The following SEMA4B variants were observed in gnomAD, a reference collection of about 807,000 sequenced individuals.
The protein encoded by SEMA4B is semaphorin-4B.
In SEMA4B, 55 loss-of-function variants were observed where a neutral mutation model predicts 88.1. The observed-to-expected ratio is 0.62, with a 90% CI of 0.50 to 0.78. SEMA4B has a LOEUF of 0.78. Ranked by LOEUF, SEMA4B falls within the 30% of genes least tolerant of loss-of-function variation. The pLI, the probability that SEMA4B is intolerant of heterozygous loss-of-function variation, is 0.00. For synonymous variants in SEMA4B, 525 were observed against 473.6 expected, an observed-to-expected ratio of 1.11 and a Z score of -1.41; for missense variants, 1,062 against 1,111.9, an observed-to-expected ratio of 0.96 and a Z score of 0.64.
intron 1 of SEMA4B, among the ~76,000 whole-genome samples, chr15:90,190,151 C>T (rs113454955): frequency 4.6e-5 from 7 of 152,308 alleles, no homozygotes; most frequent in African/African-American, 1.7e-4. Flanking sequence ...AATGGTGCTG[C>T]AGGGTGGCTG....
intron 4 of SEMA4B, chr15:90,220,200 T>G (rs1961740394): frequency 3.2e-6 from 1 of 313,732 alleles, no homozygotes; most frequent in East Asian, 6.7e-5. Flanking sequence ...TGCTTGATTC[T>G]CTTGTCTTAT....
At chr15:90,216,481 G>A (rs1567054777) in intron 1 of SEMA4B, among the ~76,000 whole-genome samples, 1 of 152,126 alleles carries the variant, frequency 6.6e-6, no homozygotes, top group Non-Finnish European at 1.5e-5. Flanking sequence ...GCAGCAGCTT[G>A]TGACAACCCT....
At chr15:90,210,445 G>A (rs944036651) in intron 1 of SEMA4B, among the ~76,000 whole-genome samples, 2 of 152,188 alleles carry the variant, frequency 1.3e-5, no homozygotes, top group African/African-American at 4.8e-5. Context: ...GACCTAGAGA[G>A]CAAGAACATT....
At chr15:90,203,497 G>C (rs1318460304) in intron 1 of SEMA4B, among the ~76,000 whole-genome samples, 1 of 152,208 alleles carries the variant, frequency 6.6e-6, no homozygotes, top group East Asian at 1.9e-4. Flanking sequence ...AACTGGATGG[G>C]ACAATCACAG....
chr15:90,228,839 G>C lies in SEMA4B; in HGVS notation c.*196G>C. ...CTACCACCCAGACACCCAAACAGCC[G>C]TGGCCCCAGAGGTCCTGGCCAAATA... On this transcript the variant is annotated 3_prime_UTR_variant, in exon 14 of 14. Coordinates refer to ENST00000411539, the MANE Select transcript of SEMA4B (RefSeq NM_198925.4). 1 of 724,370 alleles carries C rather than the reference G, an allele frequency of 1.4e-6. No individual in the cohort carries two copies. Among genetic ancestry groups the C allele is most frequent in the Admixed American group, 3.0e-5 (1 of 33,518 alleles). 44.9% of individuals were successfully genotyped at this position (724,370 alleles called of 1,614,324 possible).
chr15:90,210,731 G>T (rs1961225320), intron 1 of SEMA4B, among the ~76,000 whole-genome samples: 1 of 134,958 alleles, frequency 7.4e-6, no homozygotes, highest in African/African-American at 2.6e-5. Context: ...CAGGTACCTA[G>T]AGGACGGGGT....
rs1961320737 is a variant in SEMA4B, at chr15:90,212,530, C to G, written c.158-4909C>G. 6.6e-6 allele frequency among the ~76,000 whole-genome samples: 1 copy of G among 152,172 alleles called. No homozygotes were observed. The highest frequency in any genetic ancestry group is 2.1e-4 in the South Asian group (1 of 4,832). On this transcript the variant is annotated intron_variant, in intron 1 of 13. Coordinates refer to ENST00000411539, the MANE Select transcript of SEMA4B (RefSeq NM_198925.4). The surrounding 1 kb of genome is among the most constrained non-coding windows in gnomAD (Gnocchi z 4.0). ...GGAGAGCATAAAAGCTTAAGACTGA[C>G]CCCAAGGTGCGCCAGCCCCTCGCAG...
At chr15:90,194,711 T>C (rs1304523946) in intron 1 of SEMA4B, among the ~76,000 whole-genome samples, 1 of 152,160 alleles carries the variant, frequency 6.6e-6, no homozygotes, top group Non-Finnish European at 1.5e-5. Context: ...GTCACCCATT[T>C]TTGTTTAATC....
intron 1 of SEMA4B, among the ~76,000 whole-genome samples, chr15:90,205,752 C>G (rs185681159): frequency 6.6e-6 from 1 of 152,364 alleles, no homozygotes; most frequent in East Asian, 1.9e-4. Context: ...TGCAGGCCCT[C>G]TGCTAGGTGC....
At chr15:90,221,927 T>G (rs1035060780) in intron 7 of SEMA4B, among the ~76,000 whole-genome samples, 162 bp downstream of exon 7, 6 of 95,990 alleles carry the variant, frequency 6.3e-5, no homozygotes, top group African/African-American at 2.9e-4. Context: ...ATCTTACTAC[T>G]TTTTTCTTTT....
chr15:90,222,784 T>G (rs1433742536), intron 7 of SEMA4B, among the ~76,000 whole-genome samples: 1 of 152,054 alleles, frequency 6.6e-6, no homozygotes, highest in African/African-American at 2.4e-5. Flanking sequence ...AGAGTTGTTA[T>G]GTGAATTATT....
chr15:90,228,495 C>A lies in SEMA4B; in HGVS notation c.2366C>A (p.Ser789Tyr). ...STPLDHRGYQ[S>Y]LSDSPPGSRV... is the part of the protein sequence containing the mutation. The stretch of plus-strand genomic sequence containing the variant: ...CCGCTCGATCACCGAGGGTACCAGT[C>A]CCTGTCAGACAGCCCCCCGGGGTCC... Residue 789 changes from serine (S) to tyrosine (Y), a missense_variant, in exon 14 of 14, where the codon TCC becomes TAC. Transcript: ENST00000411539. The A allele has an allele frequency of 6.2e-7, 1 of 1,611,148 alleles. No homozygotes were observed. Among genetic ancestry groups the A allele is most frequent in the Non-Finnish European group, 8.5e-7 (1 of 1,179,164 alleles).
At chr15:90,203,073 C>T (rs1960822817) in intron 1 of SEMA4B, among the ~76,000 whole-genome samples, 1 of 152,166 alleles carries the variant, frequency 6.6e-6, no homozygotes. Context: ...GAACCTACCT[C>T]AAGGTAGTGA....
chr15:90,192,228 C>T (rs980027154), intron 1 of SEMA4B, among the ~76,000 whole-genome samples: 2 of 152,196 alleles, frequency 1.3e-5, no homozygotes, highest in Admixed American at 6.5e-5. Context: ...CTGGGCTTGG[C>T]AGGAGGCCCC....
Position 90,225,099 on chromosome 15 carries a change from C to T in SEMA4B, c.1326C>T (p.Pro442=), listed in dbSNP as rs1364219702. Reference sequence around the variant, plus strand: ...GAAGCCGCATGCTGCTGCTGCAGCCCCAGGCTCGCTACCAGCGCGTGGCTG... The same window carrying T: ...GAAGCCGCATGCTGCTGCTGCAGCCTCAGGCTCGCTACCAGCGCGTGGCTG... ...QVRSRMLLLQ[P]QARYQRVAVH... The change falls in exon 10 of 14, where the codon CCC becomes CCT. Residue 442 remains proline (P), a synonymous_variant. Transcript: ENST00000411539. The T allele has an allele frequency of 1.2e-6, 2 of 1,613,648 alleles. No individual in the cohort carries two copies. The highest frequency in any genetic ancestry group is 1.7e-6 in the Non-Finnish European group (2 of 1,179,874).
Position 90,217,541 on chromosome 15 carries a change from G to C in SEMA4B, c.260G>C (p.Arg87Pro). 1 of 1,613,942 alleles carries C rather than the reference G, an allele frequency of 6.2e-7. No homozygotes were observed. The highest frequency in any genetic ancestry group is 8.5e-7 in the Non-Finnish European group (1 of 1,179,886). Reference protein sequence around the residue: ...RDGRTLYVGAREALFALSSNL... With the variant: ...RDGRTLYVGAPEALFALSSNL... ...GGCAGGACCCTGTACGTGGGTGCTC[G>C]AGAGGCCCTCTTTGCACTCAGTAGC... The change falls in exon 2 of 14, where the codon CGA becomes CCA. Residue 87 changes from arginine to proline, a missense_variant. By Grantham distance (103) the Arg-to-Pro change is moderately radical (BLOSUM62 -2). Transcript: ENST00000411539.
At position 90,228,289 on chromosome 15, in the gene SEMA4B, G is replaced by T; in HGVS notation, c.2160G>T (p.Val720=). 6.3e-7 allele frequency: 1 copy of T among 1,590,114 alleles called. No homozygotes were observed. Among genetic ancestry groups the T allele is most frequent in the Non-Finnish European group, 8.6e-7 (1 of 1,167,200 alleles). The change falls in exon 14 of 14, where the codon GTG becomes GTT. Residue 720 remains valine (V), a synonymous_variant. Transcript: ENST00000411539. ...GGTCCTACTGGAAGGAGTTCCTGGT[G>T]ATGTGCACGCTCTTTGTGCTGGCCG... The part of the protein sequence containing the change: ...ADRSYWKEFL[V]MCTLFVLAVL...
Position 90,229,324 on chromosome 15 carries a change from G to A in SEMA4B, c.*681G>A, listed in dbSNP as rs1041776094. 8.3e-5 allele frequency: 38 copies of A among 456,772 alleles called. No homozygotes were observed. The highest frequency in any genetic ancestry group is 1.4e-4 in the Non-Finnish European group (32 of 227,016). The allele number at this position is 456,772 out of a possible 1,614,324, so 28.3% of individuals were successfully genotyped here. A position where few individuals can be genotyped will look rare whatever the true frequency, so the allele number is the denominator to read the frequency against. ...GGCTGTGGCCACACGAGAGGACAGC[G>A]CGAGCTCAGGAGAGATTTCGTGACA... On this transcript the variant is annotated 3_prime_UTR_variant, in exon 14 of 14. Transcript: ENST00000411539.
At position 90,210,535 on chromosome 15, in the gene SEMA4B, C is replaced by T. The variant is rs1026804959; in HGVS notation, c.158-6904C>T. ...GTGGCCCAGGGTCGGGCGGCATCCCCACCACTCCTCCCGGGGATGACTTGC... is the reference window on the plus strand; with the variant it reads ...GTGGCCCAGGGTCGGGCGGCATCCCTACCACTCCTCCCGGGGATGACTTGC... On this transcript the variant is annotated intron_variant, in intron 1 of 13. Transcript: ENST00000411539. 2.6e-5 allele frequency among the ~76,000 whole-genome samples: 4 copies of T among 152,240 alleles called. No individual in the cohort carries two copies. The East Asian group carries it at 5.8e-4, about 22-fold the overall frequency.
Sources: allele counts gnomAD v4.1 joint callset (sites outside exome capture counted in the v4.1 genomes callset), GRCh38; gene constraint gnomAD v4.1.1; non-coding constraint Gnocchi (gnomAD v3.1); transcripts MANE v1.5; gene names NCBI Gene and HGNC (gene_info 2026-07-23, HGNC 2026-07-21).